GRID2: variants seen among roughly 807,000 people sequenced by gnomAD.
GRID2 encodes the protein glutamate ionotropic receptor delta type subunit 2, also known as glutamate receptor ionotropic, delta-2.
Under a neutral mutation model 114.8 loss-of-function variants are expected in GRID2, and 33 were observed. The ratio of observed to expected loss-of-function variants is 0.29; its 90% confidence interval spans 0.22 to 0.38. The LOEUF (loss-of-function observed/expected upper bound fraction) is 0.38, where lower values mean the gene tolerates loss of function less well. Ranked by LOEUF, GRID2 falls within the 10% of genes least tolerant of loss-of-function variation. GRID2 has a pLI of 1.00. For synonymous variants in GRID2, 505 were observed against 449.9 expected (o/e 1.12, Z -1.55); for missense variants, 1,184 against 1,257.7 (o/e 0.94, Z 0.89).
intron 2 of GRID2, among the ~76,000 whole-genome samples, chr4:92,918,351 C>T (rs992652469): frequency 1.3e-5 from 2 of 152,222 alleles, no homozygotes; most frequent in East Asian, 1.9e-4. Flanking sequence ...ATTTCCTTCT[C>T]CTACCTGATT....
intron 1 of GRID2, among the ~76,000 whole-genome samples, chr4:92,527,725 TAA>T (rs1465505555): frequency 1.3e-5 from 2 of 152,072 alleles, no homozygotes; most frequent in African/African-American, 4.8e-5. Flanking sequence ...CAAAAATGTA[TAA>T]GTTAAAGTGC....
At chr4:92,548,419 T>TTTTTTTTTTTTTTTTTTA (rs1726391493) in intron 1 of GRID2, among the ~76,000 whole-genome samples, 1 of 144,482 alleles carries the variant, frequency 6.9e-6, no homozygotes, top group Non-Finnish European at 1.5e-5. Context: ...TTTTTTTTTT[T>TTTTTTTTTTTTTTTTTTA]GAGACAGAGT....
At chr4:93,108,553 AT>A (rs1732461349) in intron 3 of GRID2, among the ~76,000 whole-genome samples, 2 of 151,758 alleles carry the variant, frequency 1.3e-5, no homozygotes, top group African/African-American at 4.8e-5. Context: ...CAGATGTACA[AT>A]TTAAGTAACT....
intron 2 of GRID2, among the ~76,000 whole-genome samples, chr4:92,704,213 G>A (rs1445676645): frequency 1.3e-5 from 2 of 152,164 alleles, no homozygotes; most frequent in African/African-American, 4.8e-5. Flanking sequence ...GGGAGGCGGA[G>A]CTTGCAGTGA....
intron 1 of GRID2, among the ~76,000 whole-genome samples, chr4:93,801,201 C>T (rs1216701824): frequency 6.6e-6 from 1 of 152,044 alleles, no homozygotes; most frequent in Admixed American, 6.6e-5. Flanking sequence ...ACCAATTAAA[C>T]AAACCAGATA....
chr4:92,446,398 T>A (rs1351416778), intron 1 of GRID2, among the ~76,000 whole-genome samples: 1 of 152,254 alleles, frequency 6.6e-6, no homozygotes, highest in East Asian at 1.9e-4. Flanking sequence ...TGCTCCAGTA[T>A]GTTAGGTCAG....
At chr4:92,607,994 GGAAAAAATTAATGAAAGGGAAA>G (rs1203262680) in intron 2 of GRID2, among the ~76,000 whole-genome samples, 1 of 151,702 alleles carries the variant, frequency 6.6e-6, no homozygotes, top group Non-Finnish European at 1.5e-5. Context: ...GAGGGGGGAA[GGAAAAAATTAATGAAAGGGAAA>G]AGTAGTAAGC....
rs766280622 is a variant in GRID2, at chr4:93,085,120, G to T, written c.370G>T (p.Ala124Ser). Residue 124 changes from alanine (A) to serine (S), a missense_variant, in exon 3 of 16, where the codon GCT becomes TCT. Ala to Ser is a moderately conservative substitution (Grantham distance 99, BLOSUM62 1). Around this residue, in one of 3 missense-constraint regions of GRID2, gnomAD observed 455 missense variants for 429.5 expected, o/e 1.06. Coordinates refer to ENST00000282020, the MANE Select transcript of GRID2 (RefSeq NM_001510.4). ...CCACCTCTTCATTCAGCGCTCAACA[G>T]CTGGGACCCCAAGGAGTGGCTGTGG... ...IPHLFIQRST[A>S]GTPRSGCGLT... 1.9e-6 allele frequency: 3 copies of T among 1,614,112 alleles called. No individual in the cohort carries two copies. Among genetic ancestry groups the T allele is most frequent in the Non-Finnish European group, 2.5e-6 (3 of 1,179,996 alleles).
intron 4 of GRID2, among the ~76,000 whole-genome samples, chr4:93,205,663 GTA>G (rs1000636275): frequency 6.6e-6 from 1 of 152,082 alleles, no homozygotes; most frequent in Admixed American, 6.6e-5. Flanking sequence ...AATCCTTTGG[GTA>G]TATACCCAGT....
At position 92,661,336 on chromosome 4, in the gene GRID2, A is replaced by G. The variant is rs547028300; in HGVS notation, c.244+71050A>G. ...ATCAAAAAATCTAACATCTAATGTA[A>G]GATTTCATTTTCCTAAATTTAAAAA... is the stretch of plus-strand genomic sequence containing the variant. On this transcript the variant is annotated intron_variant, in intron 2 of 15. Transcript: ENST00000282020. 4.6e-5 allele frequency among the ~76,000 whole-genome samples: 7 copies of G among 151,090 alleles called. No individual in the cohort carries two copies. In the East Asian group the frequency reaches 1.4e-3, roughly 29 times the overall value.
intron 8 of GRID2, among the ~76,000 whole-genome samples, chr4:93,270,215 TACACAC>T (rs34945534): frequency 0.039 from 5,384 of 137,096 alleles, 127 homozygotes; most frequent in African/African-American, 0.056. Flanking sequence ...CACACACACA[TACACAC>T]ACACACACAC....
intron 2 of GRID2, among the ~76,000 whole-genome samples, chr4:92,655,177 C>G (rs1732166025): frequency 6.6e-6 from 1 of 151,830 alleles, no homozygotes; most frequent in African/African-American, 2.4e-5. Context: ...TTCTTGGTGA[C>G]TTTGTCAAAG....
intron 1 of GRID2, among the ~76,000 whole-genome samples, chr4:92,329,993 A>AAGAGAGAGAGAG (rs3076580): frequency 0.015 from 1,984 of 132,516 alleles, 53 homozygotes; most frequent in African/African-American, 0.047. Context: ...TATGGGAGGA[A>AAGAGAGAGAGAG]AGAGAGAGAG....
intron 2 of GRID2, among the ~76,000 whole-genome samples, chr4:93,015,141 A>G (rs918254258): frequency 6.6e-6 from 1 of 152,162 alleles, no homozygotes; most frequent in Non-Finnish European, 1.5e-5. Context: ...TTCCATACAC[A>G]TTGGTGCTTC....
At chr4:93,331,215 A>G (rs1180225285) in intron 8 of GRID2, among the ~76,000 whole-genome samples, 2 of 145,864 alleles carry the variant, frequency 1.4e-5, no homozygotes, top group Non-Finnish European at 3.0e-5. Context: ...CAGAGACACT[A>G]TGTTCCTTGA....
chr4:92,327,438 T>C (rs1726656897), intron 1 of GRID2, among the ~76,000 whole-genome samples: 1 of 151,968 alleles, frequency 6.6e-6, no homozygotes, highest in African/African-American at 2.4e-5. Context: ...ATCCCCATTT[T>C]AGAGTGTACC....
At chr4:93,141,773 A>T (rs1735790120) in intron 4 of GRID2, among the ~76,000 whole-genome samples, 3 of 152,222 alleles carry the variant, frequency 2.0e-5, no homozygotes, top group Admixed American at 1.3e-4. Flanking sequence ...TCCTGTCATA[A>T]CAGAAAATTG....
At chr4:93,132,609 C>A (rs7669480) in intron 4 of GRID2, among the ~76,000 whole-genome samples, 11,615 of 152,140 alleles carry the variant, frequency 0.076, 494 homozygotes, top group East Asian at 0.19. Context: ...TGAACTTCAA[C>A]GTGACATATA....
intron 14 of GRID2, among the ~76,000 whole-genome samples, chr4:93,702,570 G>A (rs1298792524): frequency 6.6e-6 from 1 of 152,042 alleles, no homozygotes; most frequent in Non-Finnish European, 1.5e-5. Context: ...CCTTTGGCAT[G>A]TATGCAAGAG....
Sources: gnomAD v4.1 joint callset for allele counts (sites outside exome capture counted in the v4.1 genomes callset) on GRCh38, gnomAD v4.1.1 for gene constraint, gnomAD v4.1.1 regional missense constraint, MANE v1.5 for transcripts, NCBI Gene and HGNC (gene_info 2026-07-23, HGNC 2026-07-21) for gene names.